Variants in PHF24 observed in about 807,000 individuals in gnomAD.
The protein encoded by PHF24 is Galpha inhibitory interacting protein.
Under a neutral mutation model 42.6 loss-of-function variants are expected in PHF24, and 25 were observed. The ratio of observed to expected loss-of-function variants is 0.59; its 90% confidence interval spans 0.43 to 0.82. The LOEUF (loss-of-function observed/expected upper bound fraction) is 0.82, where lower values mean the gene tolerates loss of function less well. Among genes scored for constraint, PHF24 ranks in the 40% least tolerant of loss-of-function variants. The pLI is 0.00. For synonymous variants in PHF24, 185 were observed against 204.8 expected (o/e 0.90, Z 0.83); for missense variants, 470 against 538.1 (o/e 0.87, Z 1.25).
chr9:34,905,158 C>T, the PHF24 span, among the ~76,000 whole-genome samples: 1 of 152,200 alleles, frequency 6.6e-6, no homozygotes, highest in Non-Finnish European at 1.5e-5. Context: ...AAAATGGAGC[C>T]TGCCTATAAA....
chr9:34,833,222 G>A, the PHF24 span: 7 of 1,545,908 alleles, frequency 4.5e-6, no homozygotes, highest in Non-Finnish European at 6.1e-6. Context: ...TTGAGGCTCA[G>A]GGCCACAGGG....
At chr9:34,871,753 A>T in the PHF24 span, among the ~76,000 whole-genome samples, 2 of 152,084 alleles carry the variant, frequency 1.3e-5, no homozygotes, top group Non-Finnish European at 2.9e-5. Flanking sequence ...CCATTGATTT[A>T]TGTGTTCTTC....
At chr9:34,833,189 G>A in the PHF24 span, 2 of 1,532,114 alleles carry the variant, frequency 1.3e-6, no homozygotes, top group South Asian at 2.5e-5. Flanking sequence ...GACATGGGCT[G>A]GGTCCTTGCT....
chr9:34,784,321 T>A, the PHF24 span, among the ~76,000 whole-genome samples: 9 of 152,246 alleles, frequency 5.9e-5, no homozygotes, highest in Admixed American at 4.6e-4. Flanking sequence ...AACTAGGAGT[T>A]CATGCTTCAG....
chr9:34,915,344 A>C, the PHF24 span, among the ~76,000 whole-genome samples: 1 of 151,752 alleles, frequency 6.6e-6, no homozygotes, highest in South Asian at 2.1e-4. Context: ...CCAAGTCTTC[A>C]GGGATGATAG....
chr9:34,707,354 C>G, the PHF24 span, among the ~76,000 whole-genome samples: 3 of 152,098 alleles, frequency 2.0e-5, no homozygotes, highest in South Asian at 2.1e-4. Context: ...CTCCCTTGGG[C>G]CTTGAGGTTT....
At chr9:34,778,557 C>T in the PHF24 span, among the ~76,000 whole-genome samples, 1 of 151,850 alleles carries the variant, frequency 6.6e-6, no homozygotes, top group African/African-American at 2.4e-5. Context: ...AAGGGTCAAT[C>T]CCTCAGGAAG....
chr9:34,818,672 C>T, the PHF24 span, among the ~76,000 whole-genome samples: 6 of 152,126 alleles, frequency 3.9e-5, no homozygotes, highest in Non-Finnish European at 1.5e-5. Flanking sequence ...AAACAGTACT[C>T]ACTTTGCCCA....
At chr9:34,893,509 G>A in the PHF24 span, among the ~76,000 whole-genome samples, 1 of 152,122 alleles carries the variant, frequency 6.6e-6, no homozygotes, top group East Asian at 1.9e-4. Context: ...GCAGAGGTAG[G>A]AGAGTCCCTT....
chr9:34,802,229 A>G, the PHF24 span, among the ~76,000 whole-genome samples: 1 of 151,908 alleles, frequency 6.6e-6, no homozygotes, highest in Admixed American at 6.6e-5. Flanking sequence ...CCCCTGCTCC[A>G]CTCCATGTGG....
chr9:34,917,041 A>AG, the PHF24 span: 18 of 592,368 alleles, frequency 3.0e-5, no homozygotes, highest in Non-Finnish European at 4.6e-5. Flanking sequence ...ACAAATCATG[A>AG]GGGAGAGTCA....
chr9:34,820,950 A>T, the PHF24 span, among the ~76,000 whole-genome samples: 1 of 152,102 alleles, frequency 6.6e-6, no homozygotes, highest in African/African-American at 2.4e-5. Flanking sequence ...AGGGAATCTC[A>T]TTGTGGTTTT....
the PHF24 span, among the ~76,000 whole-genome samples, chr9:34,938,439 G>T: frequency 3.3e-5 from 5 of 152,196 alleles, no homozygotes; most frequent in Non-Finnish European, 7.3e-5. Context: ...GCCTTTCCGG[G>T]AGAGTAAGGG....
the PHF24 span, among the ~76,000 whole-genome samples, chr9:34,852,836 A>T: frequency 6.6e-6 from 1 of 152,016 alleles, no homozygotes; most frequent in Non-Finnish European, 1.5e-5. Flanking sequence ...TGTGTTGCCC[A>T]GATGGTCTTG....
At chr9:34,977,773 C>A in intron 7 of PHF24, 132 bp downstream of exon 7, 1 of 820,794 alleles carries the variant, frequency 1.2e-6, no homozygotes, top group South Asian at 1.6e-5. Context: ...TCCAAGAGTG[C>A]ACATTTGACC....
At chr9:34,821,566 G>A in the PHF24 span, among the ~76,000 whole-genome samples, 1 of 152,208 alleles carries the variant, frequency 6.6e-6, no homozygotes, top group African/African-American at 2.4e-5. Flanking sequence ...GTGGGTGGCA[G>A]TGGGTGGGTC....
At chr9:34,665,743 C>T in the PHF24 span, 1 of 695,562 alleles carries the variant, frequency 1.4e-6, no homozygotes, top group Admixed American at 2.0e-5. Context: ...CCGTCATTCT[C>T]AGGACGAGGC....
chr9:34,738,805 T>C, the PHF24 span, among the ~76,000 whole-genome samples: 14 of 152,216 alleles, frequency 9.2e-5, no homozygotes, highest in Non-Finnish European at 1.8e-4. Flanking sequence ...GCTCCCTTGC[T>C]TCCTGCCCTT....
chr9:34,839,383 C>T, the PHF24 span, among the ~76,000 whole-genome samples: 6 of 152,114 alleles, frequency 3.9e-5, no homozygotes, highest in South Asian at 4.1e-4. Context: ...TTGCTTGAGT[C>T]GGATTCTGGA....
Sources: allele counts gnomAD v4.1 joint callset (sites outside exome capture counted in the v4.1 genomes callset), GRCh38; gene constraint gnomAD v4.1.1; transcripts MANE v1.5; gene names NCBI Gene and HGNC (gene_info 2026-07-23, HGNC 2026-07-21).